The following HIVEP3 variants were observed in gnomAD, a reference collection of about 807,000 sequenced individuals.
HIVEP3 encodes HIVEP zinc finger 3, also known as transcription factor HIVEP3.
Under a neutral mutation model 152.8 loss-of-function variants are expected in HIVEP3, and 49 were observed. The ratio of observed to expected loss-of-function variants is 0.32; its 90% CI spans 0.26 to 0.41. The LOEUF (loss-of-function observed/expected upper bound fraction) is 0.41, where lower values mean the gene tolerates loss of function less well. Among genes scored for constraint, HIVEP3 ranks in the 10% least tolerant of loss-of-function variants. HIVEP3 has a pLI of 1.00. For synonymous variants in HIVEP3, 1,269 were observed against 1,289.0 expected (o/e 0.98, Z 0.33); for missense variants, 2,790 against 3,103.3 (o/e 0.90, Z 2.40).
At chr1:41,646,872 A>C (rs1017569047) in intron 2 of HIVEP3, among the ~76,000 whole-genome samples, 2 of 152,230 alleles carry the variant, frequency 1.3e-5, no homozygotes, top group Non-Finnish European at 2.9e-5. Flanking sequence ...CTGGGCTAAA[A>C]TCCAGGTGTT....
chr1:41,872,730 G>A (rs1334298180), intron 1 of HIVEP3, among the ~76,000 whole-genome samples: 1 of 152,190 alleles, frequency 6.6e-6, no homozygotes, highest in African/African-American at 2.4e-5. Flanking sequence ...TGTGTCGGTA[G>A]TTTGTTCCTT....
At chr1:41,999,148 C>A (rs1645412866) in intron 1 of HIVEP3, among the ~76,000 whole-genome samples, 1 of 152,056 alleles carries the variant, frequency 6.6e-6, no homozygotes, top group East Asian at 1.9e-4. Flanking sequence ...CCTGCCTCAG[C>A]CTCCCAAAGT....
chr1:41,510,387 A>G lies in HIVEP3; in HGVS notation c.*64T>C. On this transcript the variant is annotated 3_prime_UTR_variant, in exon 9 of 9. Coordinates refer to ENST00000372583, the MANE Select transcript of HIVEP3 (RefSeq NM_024503.5). ...GCTGAGGAAGTGGGATGATTCGAGGAAAGTGGCTGGAAACGTCTGTTGCTG... is the reference window on the plus strand; with the variant it reads ...GCTGAGGAAGTGGGATGATTCGAGGGAAGTGGCTGGAAACGTCTGTTGCTG... 3 of 1,339,924 alleles carry G rather than the reference A, an allele frequency of 2.2e-6. No homozygotes were observed. Among genetic ancestry groups the G allele is most frequent in the Non-Finnish European group, 2.9e-6 (3 of 1,024,884 alleles). 83.0% of individuals were successfully genotyped at this position (1,339,924 alleles called of 1,614,324 possible).
intron 5 of HIVEP3, among the ~76,000 whole-genome samples, chr1:41,562,622 T>TCC (rs769521757): frequency 0.31 from 33,899 of 110,798 alleles, 5,094 homozygotes; most frequent in Non-Finnish European, 0.43. Context: ...TCTCTCTCTC[T>TCC]CTCTCTCTCT....
chr1:41,601,651 C>A (rs1233387923), intron 3 of HIVEP3, among the ~76,000 whole-genome samples: 10 of 152,028 alleles, frequency 6.6e-5, no homozygotes, highest in African/African-American at 2.4e-4. Context: ...TTAATGGCAT[C>A]TTTAGGATTT....
At chr1:42,007,490 G>C (rs893999991) in intron 1 of HIVEP3, among the ~76,000 whole-genome samples, 1 of 152,136 alleles carries the variant, frequency 6.6e-6, no homozygotes, top group Non-Finnish European at 1.5e-5. Context: ...GTATTTGATG[G>C]GCAATTTAAG....
chr1:41,832,518 G>A (rs986020680), intron 1 of HIVEP3, among the ~76,000 whole-genome samples: 6 of 152,180 alleles, frequency 3.9e-5, no homozygotes, highest in African/African-American at 1.4e-4. Context: ...ATGACACAGT[G>A]AGACCCAGTC....
In HIVEP3 at chr1:41,873,905, G is replaced by C. The variant is rs2124417096; in HGVS notation, c.-801+44508C>G. Among the ~76,000 whole-genome samples the C allele has an allele frequency of 6.6e-6, 1 of 152,334 alleles. No individual in the cohort carries two copies. Among genetic ancestry groups the C allele is most frequent in the South Asian group, 2.1e-4 (1 of 4,826 alleles). ...CTTCTCAAAGCAACTGGCCCAGGCAGCCTTGTACTTGCTTCATTCTGGGGT... is the reference window on the plus strand; with the variant it reads ...CTTCTCAAAGCAACTGGCCCAGGCACCCTTGTACTTGCTTCATTCTGGGGT... On this transcript the variant is annotated intron_variant, in intron 1 of 8. Transcript: ENST00000372583. The surrounding 1 kb of genome is among the most constrained non-coding windows in gnomAD (Gnocchi z 4.2).
chr1:41,728,925 G>A (rs1419070340), intron 1 of HIVEP3, among the ~76,000 whole-genome samples: 3 of 152,192 alleles, frequency 2.0e-5, no homozygotes, highest in African/African-American at 4.8e-5. Flanking sequence ...GATGGTGGGT[G>A]CTGAGGGCCT....
chr1:41,523,975 C>A (rs1642831855), intron 6 of HIVEP3, among the ~76,000 whole-genome samples: 1 of 152,230 alleles, frequency 6.6e-6, no homozygotes. Flanking sequence ...ATCCAAGAAT[C>A]TCATGGACTC....
intron 2 of HIVEP3, among the ~76,000 whole-genome samples, chr1:41,640,012 G>T (rs1645348199): frequency 6.6e-6 from 1 of 152,186 alleles, no homozygotes; most frequent in Non-Finnish European, 1.5e-5. Flanking sequence ...GAGCAAAAAA[G>T]AAGAACTTCA....
chr1:41,991,272 GA>G (rs200872245), intron 1 of HIVEP3, among the ~76,000 whole-genome samples: 61,970 of 151,038 alleles, frequency 0.41, 14,746 homozygotes, highest in East Asian at 0.7. Flanking sequence ...AAGAAAAAAA[GA>G]GAGAAGAATC....
chr1:41,841,127 G>A (rs891149977), intron 1 of HIVEP3, among the ~76,000 whole-genome samples: 2 of 152,070 alleles, frequency 1.3e-5, no homozygotes, highest in East Asian at 1.9e-4. Context: ...CCAGCCCTGC[G>A]TTTCCACCTA....
chr1:41,944,312 C>A (rs1056804828), intron 1 of HIVEP3, among the ~76,000 whole-genome samples: 3 of 152,060 alleles, frequency 2.0e-5, no homozygotes, highest in Non-Finnish European at 4.4e-5. Flanking sequence ...ACAATTTTAA[C>A]AAGGAAAACA....
intron 5 of HIVEP3, among the ~76,000 whole-genome samples, chr1:41,553,966 T>C (rs1643927617): frequency 6.6e-6 from 1 of 152,194 alleles, no homozygotes; most frequent in African/African-American, 2.4e-5. Context: ...ATTATCAAAT[T>C]GTGTGTCTTG....
At chr1:41,972,009 C>T (rs1179280760) in intron 1 of HIVEP3, among the ~76,000 whole-genome samples, 1 of 152,176 alleles carries the variant, frequency 6.6e-6, no homozygotes, top group African/African-American at 2.4e-5. Flanking sequence ...CTGCTGGTGC[C>T]TTGATCTTGG....
chr1:41,606,457 T>A (rs1644823837), intron 3 of HIVEP3, among the ~76,000 whole-genome samples: 1 of 151,892 alleles, frequency 6.6e-6, no homozygotes, highest in South Asian at 2.1e-4. Context: ...TTCTAAAAAG[T>A]GAAGCTAGTT....
At chr1:41,861,763 C>A (rs1643890173) in intron 1 of HIVEP3, among the ~76,000 whole-genome samples, 1 of 152,190 alleles carries the variant, frequency 6.6e-6, no homozygotes, top group Non-Finnish European at 1.5e-5. Context: ...CTCCAATAAG[C>A]TGCAGGGAGC....
At chr1:41,688,580 T>G (rs1025019573) in intron 2 of HIVEP3, among the ~76,000 whole-genome samples, 2 of 152,226 alleles carry the variant, frequency 1.3e-5, no homozygotes, top group Non-Finnish European at 2.9e-5. Context: ...ACTGTGAAAC[T>G]TTTAACACAA....
Sources: gnomAD v4.1 joint callset for allele counts (sites outside exome capture counted in the v4.1 genomes callset) on GRCh38, gnomAD v4.1.1 for gene constraint, Gnocchi (gnomAD v3.1) non-coding constraint, MANE v1.5 for transcripts, NCBI Gene and HGNC (gene_info 2026-07-23, HGNC 2026-07-21) for gene names.